The following CACNA1C variants were observed in gnomAD, a reference collection of about 807,000 sequenced individuals.
CACNA1C encodes the protein voltage-dependent L-type calcium channel subunit alpha-1C.
CACNA1C carries 30 observed loss-of-function variants against 229.0 expected under a neutral mutation model. The observed-to-expected ratio is 0.13, with a 90% CI of 0.10 to 0.18. The LOEUF (loss-of-function observed/expected upper bound fraction) is 0.18, where lower values mean the gene tolerates loss of function less well. Ranked by LOEUF, CACNA1C falls within the 10% of genes least tolerant of loss-of-function variation. CACNA1C has a pLI of 1.00. For synonymous variants in CACNA1C, 1,114 were observed against 1,132.5 expected (o/e 0.98, Z 0.33); for missense variants, 1,658 against 2,845.0 (o/e 0.58, Z 9.49).
chr12:2,418,364 T>C (rs2098937885), intron 3 of CACNA1C, among the ~76,000 whole-genome samples: 1 of 152,166 alleles, frequency 6.6e-6, no homozygotes, highest in South Asian at 2.1e-4. Context: ...GGTTGTGCAG[T>C]AAGGTGTGAA....
chr12:2,271,445 T>C (rs1208660156), intron 3 of CACNA1C, among the ~76,000 whole-genome samples: 1 of 152,200 alleles, frequency 6.6e-6, no homozygotes, highest in Non-Finnish European at 1.5e-5. Context: ...CTGTTCGCTC[T>C]TTCCATTCCA....
intron 1 of CACNA1C, among the ~76,000 whole-genome samples, chr12:2,107,102 T>C (rs372709754): frequency 5.8e-4 from 49 of 84,918 alleles, no homozygotes; most frequent in Middle Eastern, 0.01. Context: ...TCAGCTGGGG[T>C]GTCCTGAAGC....
chr12:2,447,203 A>G (rs1038480956), intron 3 of CACNA1C, among the ~76,000 whole-genome samples: 2 of 152,166 alleles, frequency 1.3e-5, no homozygotes, highest in African/African-American at 4.8e-5. Context: ...GCCCTGATGT[A>G]CATTTTAACC....
chr12:2,385,183 G>T (rs1056695889), intron 3 of CACNA1C, among the ~76,000 whole-genome samples: 3 of 152,212 alleles, frequency 2.0e-5, no homozygotes, highest in African/African-American at 7.2e-5. Flanking sequence ...GCAAATGCCA[G>T]TGTGATGGAA....
intron 9 of CACNA1C, among the ~76,000 whole-genome samples, chr12:2,535,412 C>G (rs11615270): frequency 0.088 from 12,710 of 144,540 alleles, 655 homozygotes; most frequent in Middle Eastern, 0.17. Flanking sequence ...GAAAAAGCAG[C>G]CAGAGGCCCG....
At chr12:2,283,612 C>G (rs1042111609) in intron 3 of CACNA1C, among the ~76,000 whole-genome samples, 1 of 152,202 alleles carries the variant, frequency 6.6e-6, no homozygotes, top group African/African-American at 2.4e-5. Context: ...GTACCCAATA[C>G]GTGTCTATTA....
chr12:2,526,001 T>C (rs1038645735), intron 9 of CACNA1C, among the ~76,000 whole-genome samples: 2 of 152,122 alleles, frequency 1.3e-5, no homozygotes, highest in East Asian at 1.9e-4. Flanking sequence ...GGGAGATAGA[T>C]GGAATTCTTC....
chr12:2,124,109 CGTGTGTGTGT>C (rs36202591), intron 3 of CACNA1C, among the ~76,000 whole-genome samples: 37,996 of 145,488 alleles, frequency 0.26, 5,307 homozygotes, highest in Non-Finnish European at 0.33. Context: ...TGGTCTAGCT[CGTGTGTGTGT>C]GTGTGTGTGT....
At chr12:2,546,834 G>T (rs1308899621) in intron 9 of CACNA1C, among the ~76,000 whole-genome samples, 1 of 152,230 alleles carries the variant, frequency 6.6e-6, no homozygotes, top group Non-Finnish European at 1.5e-5. Context: ...CCTTTGATGG[G>T]TCTTTGCTGA....
chr12:2,175,039 A>G (rs577310045), intron 3 of CACNA1C, among the ~76,000 whole-genome samples: 110 of 146,538 alleles, frequency 7.5e-4, no homozygotes, highest in Middle Eastern at 7.4e-3. Context: ...TAAGTGACCC[A>G]CGCTGTTCAA....
intron 7 of CACNA1C, among the ~76,000 whole-genome samples, chr12:2,500,899 C>A (rs574901457): frequency 2.6e-5 from 4 of 151,988 alleles, no homozygotes; most frequent in Non-Finnish European, 5.9e-5. Flanking sequence ...TTCCTGACTG[C>A]CCCACCCTCT....
chr12:2,568,679 A>G (rs2052636410), intron 13 of CACNA1C, among the ~76,000 whole-genome samples: 1 of 152,152 alleles, frequency 6.6e-6, no homozygotes, highest in Non-Finnish European at 1.5e-5. Context: ...AAAGACAAAT[A>G]CTGTATGATT....
At chr12:2,225,355 T>C (rs866668627) in intron 3 of CACNA1C, among the ~76,000 whole-genome samples, 1 of 152,236 alleles carries the variant, frequency 6.6e-6, no homozygotes, top group Non-Finnish European at 1.5e-5. Flanking sequence ...TCAAATGTTA[T>C]CTTTTAAGCT....
intron 3 of CACNA1C, among the ~76,000 whole-genome samples, chr12:2,175,366 T>C (rs773721768): frequency 4.6e-5 from 7 of 152,200 alleles, no homozygotes; most frequent in Admixed American, 6.5e-5. Context: ...AGAAACTAGG[T>C]CAGTTGTCCT....
intron 3 of CACNA1C, among the ~76,000 whole-genome samples, chr12:2,145,446 G>A (rs932106208): frequency 3.3e-5 from 5 of 151,124 alleles, no homozygotes; most frequent in African/African-American, 1.2e-4. Flanking sequence ...ATTGAAATCA[G>A]CTTTTCTTAC....
chr12:2,185,859 C>G (rs1249481110), intron 3 of CACNA1C, among the ~76,000 whole-genome samples: 3 of 152,144 alleles, frequency 2.0e-5, no homozygotes, highest in Non-Finnish European at 4.4e-5. Flanking sequence ...TGTCTTTGCC[C>G]GGTGGGCTCC....
chr12:2,460,635 C>A (rs1023897429), intron 5 of CACNA1C, among the ~76,000 whole-genome samples: 2 of 152,184 alleles, frequency 1.3e-5, no homozygotes, highest in Non-Finnish European at 2.9e-5. Flanking sequence ...CAGTAACACT[C>A]CTAGGAATTC....
chr12:2,555,709 G>A (rs541078623), intron 10 of CACNA1C, among the ~76,000 whole-genome samples: 20 of 152,218 alleles, frequency 1.3e-4, no homozygotes, highest in African/African-American at 4.1e-4. Context: ...CTAACCGTTC[G>A]GAGCAGTAAA....
At chr12:2,071,811 T>G (rs1461879211) in intron 1 of CACNA1C, among the ~76,000 whole-genome samples, 2 of 152,232 alleles carry the variant, frequency 1.3e-5, no homozygotes, top group Non-Finnish European at 1.5e-5. Context: ...TTCAAATATT[T>G]TAGTTTTTTC....
Sources: gnomAD v4.1 joint callset for allele counts (sites outside exome capture counted in the v4.1 genomes callset) on GRCh38, gnomAD v4.1.1 for gene constraint, MANE v1.5 for transcripts, NCBI Gene and HGNC (gene_info 2026-07-23, HGNC 2026-07-21) for gene names.